Variants in PARD3B observed in about 807,000 individuals in gnomAD.
PARD3B encodes the protein par-3 family cell polarity regulator beta.
In PARD3B, 103 loss-of-function variants were observed where a neutral mutation model predicts 130.2. That is an observed-to-expected ratio of 0.79 (90% confidence interval 0.67 to 0.93). PARD3B has a LOEUF of 0.93. Ranked by LOEUF, PARD3B falls within the 40% of genes least tolerant of loss-of-function variation. The probability of loss-of-function intolerance (pLI) is 0.00; values close to 1 mark genes in which losing one functional copy is unlikely to be tolerated. For missense variants in PARD3B, 1,609 were observed against 1,499.2 expected (o/e 1.07, Z -1.21); for synonymous variants, 583 against 553.2 (o/e 1.05, Z -0.76).
intron 2 of PARD3B, among the ~76,000 whole-genome samples, chr2:204,716,018 A>G: frequency 6.6e-6 from 1 of 151,560 alleles, no homozygotes. Context: ...GCTGCAGAAA[A>G]CTCTTACGCA....
intron 12 of PARD3B, among the ~76,000 whole-genome samples, chr2:205,172,916 ATATC>A (rs2035256012): frequency 6.6e-6 from 1 of 152,140 alleles, no homozygotes; most frequent in Non-Finnish European, 1.5e-5. Context: ...GTTTTTTAAA[ATATC>A]AAGAATATTT....
In PARD3B at chr2:205,458,550, CTATT is replaced by C. The variant is rs768146834; in HGVS notation, c.3044+17880_3044+17883del. Among the ~76,000 whole-genome samples, 8 of 152,058 alleles carry C rather than the reference CTATT, an allele frequency of 5.3e-5. No individual in the cohort carries two copies. The highest frequency in any genetic ancestry group is 1.7e-4 in the African/African-American group (7 of 41,420). On this transcript the variant is annotated intron_variant, in intron 20 of 22. Transcript: ENST00000406610. The surrounding 1 kb of genome is among the most constrained non-coding windows in gnomAD (Gnocchi z 4.8). The stretch of plus-strand genomic sequence containing the variant: ...TATTGTAATTTTCAGTTTTAGGTGT[CTATT>C]TGTTTGTTTTACCCTGAGATGCTAC...
In PARD3B at chr2:204,545,551, G is replaced by A. The variant is rs2029874270; in HGVS notation, c.-449G>A. Among the ~76,000 whole-genome samples the A allele has an allele frequency of 6.6e-6, 1 of 151,976 alleles. No individual in the cohort carries two copies. The highest frequency in any genetic ancestry group is 1.5e-5 in the Non-Finnish European group (1 of 67,954). Reference sequence around the variant, plus strand: ...AAAGTTTCCTCCCAACTCTGGCCCCGTGCGCCGCCGCCGCCGCCGCCCACT... The same window carrying A: ...AAAGTTTCCTCCCAACTCTGGCCCCATGCGCCGCCGCCGCCGCCGCCCACT... On this transcript the variant is annotated 5_prime_UTR_variant, in exon 1 of 23. It adds an upstream start codon to the 5' untranslated region. Coordinates refer to ENST00000406610, the MANE Select transcript of PARD3B (RefSeq NM_001302769.2).
intron 2 of PARD3B, among the ~76,000 whole-genome samples, chr2:204,807,996 GCTTCAGGTGATGCATA>G: frequency 6.6e-6 from 1 of 151,840 alleles, no homozygotes. Flanking sequence ...AATGATAATT[GCTTCAGGTGATGCATA>G]CCCCATTTAC....
intron 2 of PARD3B, among the ~76,000 whole-genome samples, chr2:204,916,427 T>C (rs377508318): frequency 9.1e-5 from 11 of 121,148 alleles, no homozygotes; most frequent in East Asian, 7.7e-4. Context: ...AATTGTTTAA[T>C]GTTTTAAAAT....
rs1274699685 is a variant in PARD3B, at chr2:205,558,953, A to G, written c.3260+5550A>G. Among the ~76,000 whole-genome samples the G allele has an allele frequency of 1.3e-5, 2 of 152,180 alleles. No homozygotes were observed. The highest frequency in any genetic ancestry group is 1.3e-4 in the Admixed American group (2 of 15,268). On this transcript the variant is annotated intron_variant, in intron 22 of 22. Coordinates refer to ENST00000406610, the MANE Select transcript of PARD3B (RefSeq NM_001302769.2). The surrounding 1 kb of genome is among the most constrained non-coding windows in gnomAD (Gnocchi z 4.8). ...CCCTTTCCACCCCATTGAAATATAA[A>G]TTCCTTGAAATAAGAGACTTTGTTT...
intron 16 of PARD3B, among the ~76,000 whole-genome samples, chr2:205,257,473 A>G (rs573477526): frequency 6.6e-6 from 1 of 152,188 alleles, no homozygotes; most frequent in Non-Finnish European, 1.5e-5. Flanking sequence ...AACTGGTGAC[A>G]GAGACATTTT....
intron 1 of PARD3B, among the ~76,000 whole-genome samples, chr2:204,652,535 T>C (rs1053930792): frequency 1.3e-5 from 2 of 152,196 alleles, no homozygotes; most frequent in East Asian, 1.9e-4. Flanking sequence ...TCAACAAGTA[T>C]CTAGGAAGTT....
In PARD3B at chr2:205,300,431, C is replaced by T. The variant is rs1165809000; in HGVS notation, c.2186-99C>T. On this transcript the variant is annotated intron_variant, in intron 16 of 22. Coordinates refer to ENST00000406610, the MANE Select transcript of PARD3B (RefSeq NM_001302769.2). This position sits in a 1 kb window ranked among gnomAD's most constrained non-coding sequence, Gnocchi z 4.1. ...CCCAACTCCCACCCACTTAACACCC[C>T]TTTTTTGGGATGTCCAGACAGAAAT... is the stretch of plus-strand genomic sequence containing the variant. 1 of 1,187,396 alleles carries T rather than the reference C, an allele frequency of 8.4e-7. No individual in the cohort carries two copies. Among genetic ancestry groups the T allele is most frequent in the East Asian group, 2.4e-5 (1 of 42,274 alleles). 73.6% of individuals were successfully genotyped at this position (1,187,396 alleles called of 1,614,324 possible).
intron 16 of PARD3B, among the ~76,000 whole-genome samples, chr2:205,267,012 A>G (rs1288519012): frequency 1.3e-5 from 2 of 152,164 alleles, no homozygotes; most frequent in Non-Finnish European, 2.9e-5. Context: ...AAAAAAAGGC[A>G]TTCCTCTCAA....
At chr2:205,185,256 G>T (rs2036029950) in intron 13 of PARD3B, among the ~76,000 whole-genome samples, 1 of 146,204 alleles carries the variant, frequency 6.8e-6, no homozygotes, top group Non-Finnish European at 1.5e-5. Context: ...GCGCACGTTT[G>T]TGTGTTTGTG....
intron 18 of PARD3B, among the ~76,000 whole-genome samples, chr2:205,359,025 T>G (rs1345218641): frequency 1.3e-5 from 2 of 152,198 alleles, no homozygotes; most frequent in African/African-American, 4.8e-5. Context: ...CCTAGACCTG[T>G]GAAATCAGAA....
At position 205,211,452 on chromosome 2, in the gene PARD3B, A is replaced by G. The variant is rs117011889; in HGVS notation, c.2140+18132A>G. On this transcript the variant is annotated intron_variant, in intron 15 of 22. Transcript: ENST00000406610. ...AGACATATCAGTGACAACAGACAGTATCTTATTTCTGTAGCTTACCTTTCT... is the reference window on the plus strand; with the variant it reads ...AGACATATCAGTGACAACAGACAGTGTCTTATTTCTGTAGCTTACCTTTCT... 5.6e-4 allele frequency among the ~76,000 whole-genome samples: 85 copies of G among 152,236 alleles called. 1 individual carries two copies. The highest frequency in any genetic ancestry group is 4.6e-3 in the East Asian group (24 of 5,176).
intron 1 of PARD3B, among the ~76,000 whole-genome samples, chr2:204,575,842 C>G (rs2032230831): frequency 6.6e-6 from 1 of 152,208 alleles, no homozygotes; most frequent in Admixed American, 6.5e-5. Context: ...TCAGTCTTCA[C>G]TGTCCCCTTA....
intron 16 of PARD3B, among the ~76,000 whole-genome samples, chr2:205,252,844 C>CA (rs534617060): frequency 7.3e-6 from 1 of 137,438 alleles, no homozygotes; most frequent in Admixed American, 7.3e-5. Context: ...AGGGACCCCC[C>CA]CCCCCCACCA....
intron 2 of PARD3B, among the ~76,000 whole-genome samples, chr2:204,703,316 T>G (rs2037981447): frequency 6.6e-6 from 1 of 152,212 alleles, no homozygotes; most frequent in Non-Finnish European, 1.5e-5. Context: ...ACTTGCTCAT[T>G]TATGAGATGT....
chr2:205,520,872 G>A (rs2051017170), intron 21 of PARD3B, among the ~76,000 whole-genome samples: 1 of 151,834 alleles, frequency 6.6e-6, no homozygotes, highest in African/African-American at 2.4e-5. Flanking sequence ...TAAGTAATTG[G>A]TTAATCACTT....
At chr2:205,097,712 C>CACA (rs2125555848) in intron 4 of PARD3B, among the ~76,000 whole-genome samples, 1 of 152,238 alleles carries the variant, frequency 6.6e-6, no homozygotes, top group East Asian at 1.9e-4. Flanking sequence ...GTTTGAGAAC[C>CACA]ACTGTTAGGC....
At chr2:204,698,040 C>T (rs573342165) in intron 2 of PARD3B, among the ~76,000 whole-genome samples, 2 of 152,016 alleles carry the variant, frequency 1.3e-5, no homozygotes, top group Non-Finnish European at 1.5e-5. Context: ...ATTCAGGTTC[C>T]GGTAATCTAA....
Sources: gnomAD v4.1 joint callset for allele counts (sites outside exome capture counted in the v4.1 genomes callset) on GRCh38, gnomAD v4.1.1 for gene constraint, Gnocchi (gnomAD v3.1) non-coding constraint, MANE v1.5 for transcripts, NCBI Gene and HGNC (gene_info 2026-07-23, HGNC 2026-07-21) for gene names.